SRBD1: variants seen among roughly 807,000 people sequenced by gnomAD.
The protein encoded by SRBD1 is S1 RNA-binding domain-containing protein 1.
A neutral mutation model predicts 115.3 loss-of-function variants in SRBD1; 88 were observed. That is an observed-to-expected ratio of 0.76 (90% CI 0.64 to 0.91). The LOEUF (loss-of-function observed/expected upper bound fraction) is 0.91. SRBD1 is among the 40% of genes least tolerant of loss of function. SRBD1 has a pLI of 0.00. For synonymous variants in SRBD1, 509 were observed against 407.7 expected (o/e 1.25, Z -2.99); for missense variants, 1,385 against 1,177.4 (o/e 1.18, Z -2.58).
intron 19 of SRBD1, among the ~76,000 whole-genome samples, chr2:45,393,669 T>C (rs1558548899): frequency 6.6e-6 from 1 of 152,206 alleles, no homozygotes; most frequent in Non-Finnish European, 1.5e-5. Context: ...CGTAAGCCAC[T>C]GCGTCCAGCC....
At chr2:45,423,553 T>A (rs1668067335) in intron 16 of SRBD1, among the ~76,000 whole-genome samples, 1 of 152,058 alleles carries the variant, frequency 6.6e-6, no homozygotes, top group Non-Finnish European at 1.5e-5. Context: ...AGTCAATAAG[T>A]AATCAAAACT....
At chr2:45,532,618 C>T (rs1268506392) in intron 14 of SRBD1, among the ~76,000 whole-genome samples, 5 of 151,608 alleles carry the variant, frequency 3.3e-5, no homozygotes, top group African/African-American at 1.2e-4. Context: ...TAATGTGAAC[C>T]CAAATGTTAG....
intron 10 of SRBD1, among the ~76,000 whole-genome samples, chr2:45,554,297 G>A (rs375234622): frequency 6.6e-6 from 1 of 152,164 alleles, no homozygotes; most frequent in Admixed American, 6.5e-5. Context: ...TGAATCAGCT[G>A]GCATTTTGAT....
chr2:45,538,494 C>T (rs1195325504), intron 14 of SRBD1, among the ~76,000 whole-genome samples: 1 of 152,192 alleles, frequency 6.6e-6, no homozygotes, highest in East Asian at 1.9e-4. Flanking sequence ...GTGAAAGAGG[C>T]CTGACATTTA....
intron 9 of SRBD1, among the ~76,000 whole-genome samples, chr2:45,566,567 A>T (rs1341775724): frequency 6.6e-6 from 1 of 152,198 alleles, no homozygotes; most frequent in Non-Finnish European, 1.5e-5. Flanking sequence ...TTGGGAGAAA[A>T]ATGTCCTAAA....
intron 14 of SRBD1, among the ~76,000 whole-genome samples, chr2:45,540,512 A>C (rs1257652252): frequency 6.6e-6 from 1 of 152,142 alleles, no homozygotes; most frequent in Non-Finnish European, 1.5e-5. Context: ...ACTATACCAA[A>C]AAATTGATAA....
intron 11 of SRBD1, among the ~76,000 whole-genome samples, chr2:45,553,228 A>G (rs1305908956): frequency 1.3e-5 from 2 of 152,122 alleles, no homozygotes; most frequent in African/African-American, 4.8e-5. Context: ...AATATTTATC[A>G]TTGCTGATAA....
intron 14 of SRBD1, among the ~76,000 whole-genome samples, chr2:45,535,303 C>G (rs1268291968): frequency 6.6e-6 from 1 of 151,372 alleles, no homozygotes; most frequent in African/African-American, 2.4e-5. Context: ...GATGTTTCTA[C>G]CAGTCTAATT....
chr2:45,580,331 C>T (rs901361723), intron 6 of SRBD1, among the ~76,000 whole-genome samples: 7 of 151,912 alleles, frequency 4.6e-5, no homozygotes, highest in African/African-American at 1.7e-4. Context: ...CATAATTCTA[C>T]TTCTTCGTTT....
intron 16 of SRBD1, among the ~76,000 whole-genome samples, chr2:45,443,952 G>A (rs992017135): frequency 6.6e-6 from 1 of 152,040 alleles, no homozygotes; most frequent in Non-Finnish European, 1.5e-5. Flanking sequence ...GTCTATTACA[G>A]GGCTGAATTT....
chr2:45,609,278 CT>C (rs973298103), intron 1 of SRBD1, among the ~76,000 whole-genome samples: 1 of 152,170 alleles, frequency 6.6e-6, no homozygotes, highest in African/African-American at 2.4e-5. Context: ...TGTTACAAAT[CT>C]TTTTTTCTTT....
intron 8 of SRBD1, 46 bp from the exon 9 acceptor site, chr2:45,573,388 G>T: frequency 6.4e-7 from 1 of 1,568,748 alleles, no homozygotes. Flanking sequence ...TTATTAATTT[G>T]TGCTTTAGTA....
At chr2:45,563,858 T>A (rs1672745526) in intron 9 of SRBD1, among the ~76,000 whole-genome samples, 1 of 152,196 alleles carries the variant, frequency 6.6e-6, no homozygotes, top group Non-Finnish European at 1.5e-5. Context: ...CACCATTGAA[T>A]TCTACCAAAC....
intron 8 of SRBD1, 82 bp from the exon 9 acceptor site, chr2:45,573,424 A>G (rs2104150978): frequency 1.4e-6 from 2 of 1,466,816 alleles, no homozygotes; most frequent in South Asian, 2.7e-5. Context: ...TAAGGATAGC[A>G]AAAAAAGTTA....
chr2:45,438,369 C>T (rs1022959959), intron 16 of SRBD1, among the ~76,000 whole-genome samples: 1 of 152,150 alleles, frequency 6.6e-6, no homozygotes. Context: ...AAAATGCAGG[C>T]ACATGTGACC....
intron 14 of SRBD1, among the ~76,000 whole-genome samples, chr2:45,506,084 G>A (rs1670788662): frequency 6.6e-6 from 1 of 152,154 alleles, no homozygotes; most frequent in Non-Finnish European, 1.5e-5. Context: ...AATATTCAAA[G>A]CAGGAGATGC....
chr2:45,532,629 G>A (rs992935115), intron 14 of SRBD1, among the ~76,000 whole-genome samples: 1 of 151,704 alleles, frequency 6.6e-6, no homozygotes, highest in Non-Finnish European at 1.5e-5. Flanking sequence ...CAAATGTTAG[G>A]GTTCCTTCAA....
intron 16 of SRBD1, among the ~76,000 whole-genome samples, chr2:45,455,677 A>G (rs1419159350): frequency 1.3e-5 from 2 of 151,786 alleles, no homozygotes; most frequent in Admixed American, 6.6e-5. Context: ...CCCTGACACA[A>G]CTTTGCAATG....
chr2:45,408,760 T>C (rs890634562), intron 19 of SRBD1, among the ~76,000 whole-genome samples: 2 of 152,132 alleles, frequency 1.3e-5, no homozygotes, highest in Admixed American at 1.3e-4. Context: ...CTACTATAAC[T>C]AAAATAAGTT....
Sources: gnomAD v4.1 joint callset for allele counts (sites outside exome capture counted in the v4.1 genomes callset) on GRCh38, gnomAD v4.1.1 for gene constraint, MANE v1.5 for transcripts, NCBI Gene and HGNC (gene_info 2026-07-23, HGNC 2026-07-21) for gene names.